Variants in CD3E observed in about 807,000 individuals in gnomAD.
The protein encoded by CD3E is CD3 epsilon subunit of T-cell receptor complex.
CD3E carries 16 observed loss-of-function variants against 34.7 expected under a neutral mutation model. That is an observed-to-expected ratio of 0.46 (90% CI 0.31 to 0.70). CD3E has a LOEUF of 0.70. Ranked by LOEUF, CD3E falls within the 30% of genes least tolerant of loss-of-function variation. CD3E has a pLI of 0.05. For missense variants in CD3E, 223 were observed against 253.9 expected (o/e 0.88, Z 0.83); for synonymous variants, 70 against 90.8 (o/e 0.77, Z 1.30).
At chr11:118,308,810 A>T (rs996570476) in intron 4 of CD3E, among the ~76,000 whole-genome samples, 1 of 152,230 alleles carries the variant, frequency 6.6e-6, no homozygotes, top group African/African-American at 2.4e-5. Flanking sequence ...AAACATATGA[A>T]CACATTGCTA....
intron 2 of CD3E, 44 bp from the exon 3 acceptor site, chr11:118,307,244 C>G: frequency 6.5e-7 from 1 of 1,533,300 alleles, no homozygotes; most frequent in South Asian, 1.1e-5. Context: ...ATGCAGGTAC[C>G]CACAACATTT....
rs201065656 is a variant in CD3E, at chr11:118,316,026, C to T, written c.*484C>T. The T allele has an allele frequency of 4.3e-4, 86 of 199,442 alleles. No homozygotes were observed. The highest frequency in any genetic ancestry group is 1.9e-3 in the African/African-American group (81 of 42,982). 12.4% of individuals were successfully genotyped at this position (199,442 alleles called of 1,614,324 possible). On this transcript the variant is annotated 3_prime_UTR_variant, in exon 9 of 9. Transcript: ENST00000361763. ...GCCCTGAGCCAGCCCTGTGCTCCTC[C>T]CTCCCCCAACACTCCCTACCAACCC...
chr11:118,305,573 T>A (rs1948101253), intron 2 of CD3E, among the ~76,000 whole-genome samples: 2 of 152,234 alleles, frequency 1.3e-5, no homozygotes, highest in South Asian at 4.1e-4. Context: ...TGCCATTTAT[T>A]GTCAGATACT....
chr11:118,310,012 A>G (rs1948127446), intron 4 of CD3E, among the ~76,000 whole-genome samples: 2 of 152,266 alleles, frequency 1.3e-5, no homozygotes. Flanking sequence ...AAATTTAAAA[A>G]TAAAAAAATT....
intron 4 of CD3E, among the ~76,000 whole-genome samples, chr11:118,311,041 C>A (rs1234068298): frequency 6.6e-6 from 1 of 152,198 alleles, no homozygotes; most frequent in East Asian, 1.9e-4. Context: ...TTCACTTTCA[C>A]CTTCATAATC....
In CD3E at chr11:118,315,504, C is replaced by CG. The variant is rs1948161283; in HGVS notation, c.589dup (p.Asp197GlyfsTer38). 2 of 1,613,364 alleles carry CG rather than the reference C, an allele frequency of 1.2e-6. No individual in the cohort carries two copies. The highest frequency in any genetic ancestry group is 1.7e-6 in the Non-Finnish European group (2 of 1,179,836). ...CCCCCAGCCCATCCGGAAAGGCCAG[C>CG]GGGACCTGTATTCTGGCCTGAATCA... is the stretch of plus-strand genomic sequence containing the variant. On this transcript the variant is annotated frameshift_variant, in exon 9 of 9. Transcript: ENST00000361763. LOFTEE classifies it high-confidence loss of function.
chr11:118,315,187 TACTC>T (rs1202363690), intron 8 of CD3E, among the ~76,000 whole-genome samples: 2 of 152,164 alleles, frequency 1.3e-5, no homozygotes, highest in Non-Finnish European at 2.9e-5. Flanking sequence ...TTGAGCCAAA[TACTC>T]AACACCAGCC....
intron 4 of CD3E, among the ~76,000 whole-genome samples, chr11:118,310,516 G>A (rs1325243339): frequency 6.6e-6 from 1 of 152,094 alleles, no homozygotes; most frequent in East Asian, 1.9e-4. Flanking sequence ...TTTTTATCCA[G>A]TCTACCACTG....
chr11:118,314,848 T>C (rs1591270026), intron 8 of CD3E, among the ~76,000 whole-genome samples: 1 of 152,210 alleles, frequency 6.6e-6, no homozygotes, highest in East Asian at 1.9e-4. Context: ...TAGCGAGTTA[T>C]TGAAATATTA....
chr11:118,313,407 G>A (rs1199010713), intron 6 of CD3E: 2 of 444,450 alleles, frequency 4.5e-6, no homozygotes, highest in African/African-American at 4.0e-5. Context: ...TTATTCCCAT[G>A]AGTAAAGGGA....
In CD3E at chr11:118,312,708, A is replaced by G; in HGVS notation, c.194A>G (p.Asn65Ser). 6.2e-7 allele frequency: 1 copy of G among 1,614,200 alleles called. No individual in the cohort carries two copies. Among genetic ancestry groups the G allele is most frequent in the Non-Finnish European group, 8.5e-7 (1 of 1,180,018 alleles). ...ATACTATGGCAACACAATGATAAAA[A>G]CATAGGCGGTGATGAGGATGATAAA... Reference protein sequence around the residue: ...SEILWQHNDKNIGGDEDDKNI... With the variant: ...SEILWQHNDKSIGGDEDDKNI... Residue 65 changes from asparagine to serine, a missense_variant, in exon 6 of 9, where the codon AAC becomes AGC. Coordinates refer to ENST00000361763, the MANE Select transcript of CD3E (RefSeq NM_000733.4).
intron 5 of CD3E, 112 bp from the exon 6 acceptor site, chr11:118,312,506 T>G: frequency 2.4e-6 from 3 of 1,272,096 alleles, no homozygotes; most frequent in Non-Finnish European, 2.3e-6. Flanking sequence ...CAAGCAAGTC[T>G]AAGATCTAGA....
At chr11:118,310,441 C>T (rs1169155009) in intron 4 of CD3E, among the ~76,000 whole-genome samples, 1 of 152,214 alleles carries the variant, frequency 6.6e-6, no homozygotes, top group African/African-American at 2.4e-5. Context: ...CATGTTCCTG[C>T]AAAGGACGTG....
At chr11:118,313,666 T>C (rs777818389) in intron 6 of CD3E, 41 bp from the exon 7 acceptor site, 2 of 1,603,830 alleles carry the variant, frequency 1.2e-6, no homozygotes, top group Non-Finnish European at 1.7e-6. Flanking sequence ...TGTGTTTTCC[T>C]TGCTTAGTGA....
At chr11:118,306,416 G>C (rs1948106434) in intron 2 of CD3E, among the ~76,000 whole-genome samples, 1 of 151,924 alleles carries the variant, frequency 6.6e-6, no homozygotes, top group South Asian at 2.1e-4. Context: ...GATCACTTGA[G>C]CCCAGGAGGT....
chr11:118,306,778 A>G (rs1044109866), intron 2 of CD3E, among the ~76,000 whole-genome samples: 16 of 152,284 alleles, frequency 1.1e-4, no homozygotes, highest in Admixed American at 6.5e-4. Context: ...TCTTCAATGC[A>G]CAGGCCCTAG....
chr11:118,310,124 T>G (rs1948127974), intron 4 of CD3E, among the ~76,000 whole-genome samples: 1 of 152,288 alleles, frequency 6.6e-6, no homozygotes, highest in South Asian at 2.1e-4. Flanking sequence ...TATCTTTTTT[T>G]AACTTAACTT....
intron 6 of CD3E, chr11:118,313,373 C>A (rs559498888): frequency 7.2e-5 from 29 of 402,660 alleles, no homozygotes; most frequent in South Asian, 6.3e-4. Context: ...ATCCTCTCAA[C>A]AACTATATGG....
chr11:118,314,949 A>T (rs1413877893), intron 8 of CD3E, among the ~76,000 whole-genome samples: 3 of 111,566 alleles, frequency 2.7e-5, no homozygotes, highest in African/African-American at 1.1e-4. Context: ...ACCCACCCTT[A>T]CACACACACA....
Sources: gnomAD v4.1 joint callset for allele counts (sites outside exome capture counted in the v4.1 genomes callset) on GRCh38, gnomAD v4.1.1 for gene constraint, MANE v1.5 for transcripts, NCBI Gene and HGNC (gene_info 2026-07-23, HGNC 2026-07-21) for gene names.